The following FICD variants were observed in gnomAD, a reference collection of about 807,000 sequenced individuals.
FICD encodes the protein FIC domain protein adenylyltransferase.
Under a neutral mutation model 28.0 loss-of-function variants are expected in FICD, and 13 were observed. The ratio of observed to expected loss-of-function variants is 0.46; its 90% confidence interval spans 0.30 to 0.74. The LOEUF is 0.74. FICD is among the 30% of genes least tolerant of loss of function. FICD has a pLI of 0.07. For missense variants in FICD, 576 were observed against 624.5 expected (o/e 0.92, Z 0.83); for synonymous variants, 268 against 266.4 (o/e 1.01, Z -0.06).
At chr12:108,515,522 G>A (rs551519632) in intron 1 of FICD, among the ~76,000 whole-genome samples, 161 bp downstream of exon 1, 57 of 152,180 alleles carry the variant, frequency 3.7e-4, no homozygotes, top group African/African-American at 1.3e-3. Flanking sequence ...TCCCTTTCTA[G>A]GGAAGTGTGG....
At chr12:108,516,870 GT>G in intron 1 of FICD, 44 bp from the exon 2 acceptor site, 1 of 983,618 alleles carries the variant, frequency 1.0e-6, no homozygotes, top group Non-Finnish European at 1.5e-6. Flanking sequence ...GTCACACTAT[GT>G]CCTGAACGTG....
In FICD at chr12:108,518,146, G is replaced by A. The variant is rs1018265665; in HGVS notation, c.302-254G>A. 2.1e-5 allele frequency: 15 copies of A among 702,296 alleles called. No homozygotes were observed. Among genetic ancestry groups the A allele is most frequent in the Middle Eastern group, 4.6e-4 (2 of 4,386 alleles). The allele number at this position is 702,296 out of a possible 1,614,324, so 43.5% of individuals were successfully genotyped here. On this transcript the variant is annotated intron_variant, in intron 2 of 2. Coordinates refer to ENST00000552695, the MANE Select transcript of FICD (RefSeq NM_007076.3). This position sits in a 1 kb window ranked among gnomAD's most constrained non-coding sequence, Gnocchi z 4.4. ...AAGCAGGAGGCTAGGAAGCCAAGGAGGTGCCTCCCAGAATACAAGAGAGTG... is the reference window on the plus strand; with the variant it reads ...AAGCAGGAGGCTAGGAAGCCAAGGAAGTGCCTCCCAGAATACAAGAGAGTG...
At position 108,519,820 on chromosome 12, in the gene FICD, A is replaced by AG. The variant is rs1279975276; in HGVS notation, c.*347dup. The AG allele has an allele frequency of 5.2e-6, 1 of 192,736 alleles. No homozygotes were observed. The highest frequency in any genetic ancestry group is 2.3e-5 in the African/African-American group (1 of 42,588). The allele number at this position is 192,736 out of a possible 1,614,324, so 11.9% of individuals were successfully genotyped here. On this transcript the variant is annotated 3_prime_UTR_variant, in exon 3 of 3. Transcript: ENST00000552695. The surrounding 1 kb of genome is among the most constrained non-coding windows in gnomAD (Gnocchi z 4.5). ...GCACTAAGGTGGAGGAGCGGCCAAGAGGTGTGGGACGGGGCCCAGAGCCAC... is the reference window on the plus strand; with the variant it reads ...GCACTAAGGTGGAGGAGCGGCCAAGAGGGTGTGGGACGGGGCCCAGAGCCAC...
In FICD at chr12:108,517,015, C is replaced by A. The variant is rs200769403; in HGVS notation, c.43C>A (p.Pro15Thr). ...PMASVMAVTE[P>T]KWVSVWSRFL... ...GGCTTCAGTGATGGCGGTGACTGAACCGAAATGGGTCTCGGTCTGGAGCCG... is the reference window on the plus strand; with the variant it reads ...GGCTTCAGTGATGGCGGTGACTGAAACGAAATGGGTCTCGGTCTGGAGCCG... The change falls in exon 2 of 3, where the codon CCG (proline) becomes ACG (threonine). Residue 15 changes from proline (P) to threonine (T), a missense_variant. Transcript: ENST00000552695. 9 of 1,551,064 alleles carry A rather than the reference C, an allele frequency of 5.8e-6. No individual in the cohort carries two copies. The East Asian group carries it at 1.9e-4, about 32-fold the overall frequency.
At position 108,517,089 on chromosome 12, in the gene FICD, C is replaced by CCTG; in HGVS notation, c.125_127dup (p.Leu42dup). 6.2e-7 allele frequency: 1 copy of CCTG among 1,610,394 alleles called. No homozygotes were observed. The highest frequency in any genetic ancestry group is 8.5e-7 in the Non-Finnish European group (1 of 1,178,104). On this transcript the variant is annotated inframe_insertion, in exon 2 of 3. Transcript: ENST00000552695. ...GCATGGTGCTGGGGTCCCTGCTGGC[C>CCTG]CTGCTGCTGCCGCTGGGGGCTGTGG...
Position 108,518,526 on chromosome 12 carries a change from T to TC in FICD, c.429dup (p.Thr144HisfsTer31), listed in dbSNP as rs1871990942. On this transcript the variant is annotated frameshift_variant, in exon 3 of 3. Transcript: ENST00000552695. LOFTEE classifies it high-confidence loss of function. The surrounding 1 kb of genome is among the most constrained non-coding windows in gnomAD (Gnocchi z 4.4). ...ATGGACCCGGACTTCGTGGACGCGC[T>TC]CACCGAGTTTGGCATCTTCTCGGAA... 6.2e-7 allele frequency: 1 copy of TC among 1,613,976 alleles called. No homozygotes were observed. Among genetic ancestry groups the TC allele is most frequent in the South Asian group, 1.1e-5 (1 of 91,066 alleles).
chr12:108,519,505 C>A lies in FICD; in HGVS notation c.*30C>A. The A allele has an allele frequency of 2.1e-6, 3 of 1,414,748 alleles. No homozygotes were observed. The highest frequency in any genetic ancestry group is 2.9e-6 in the Non-Finnish European group (3 of 1,037,776). The allele number at this position is 1,414,748 out of a possible 1,614,324, so 87.6% of individuals were successfully genotyped here. ...AGAAATCCTCAGTGACAAAGGCTGT[C>A]CTGAGGTAGGAAAAAAAAAAAGAAA... On this transcript the variant is annotated 3_prime_UTR_variant, in exon 3 of 3. Coordinates refer to ENST00000552695, the MANE Select transcript of FICD (RefSeq NM_007076.3). The surrounding 1 kb of genome is among the most constrained non-coding windows in gnomAD (Gnocchi z 4.5).
Position 108,520,538 on chromosome 12 carries a change from T to G in FICD, c.*1063T>G, listed in dbSNP as rs1872079034. On this transcript the variant is annotated 3_prime_UTR_variant, in exon 3 of 3. Transcript: ENST00000552695. ...CTGCCATCTTCCACGGTCTTTGCAC[T>G]GTCCCGTGTCCCATCCCCCTGGGAG... is the stretch of plus-strand genomic sequence containing the variant. 1 of 152,262 alleles carries G rather than the reference T, an allele frequency of 6.6e-6. No homozygotes were observed. The highest frequency in any genetic ancestry group is 1.5e-5 in the Non-Finnish European group (1 of 68,050). The allele number at this position is 152,262 out of a possible 1,614,324, so 9.4% of individuals were successfully genotyped here.
rs138967251 is a variant in FICD, at chr12:108,518,940, G to A, written c.842G>A (p.Arg281His). ...MKYINTTLVS[R>H]IGSVTISDVL... ...TACATCAACACGACTCTGGTTTCGCGCATCGGCTCCGTCACCATCAGCGAC... is the reference window on the plus strand; with the variant it reads ...TACATCAACACGACTCTGGTTTCGCACATCGGCTCCGTCACCATCAGCGAC... The change falls in exon 3 of 3, where the codon CGC (arginine) becomes CAC (histidine). Residue 281 changes from arginine to histidine, a missense_variant. By Grantham distance (29) the Arg-to-His change is conservative. Coordinates refer to ENST00000552695, the MANE Select transcript of FICD (RefSeq NM_007076.3). This position sits in a 1 kb window ranked among gnomAD's most constrained non-coding sequence, Gnocchi z 4.4. The A allele has an allele frequency of 9.9e-6, 16 of 1,614,050 alleles. No individual in the cohort carries two copies. In the African/African-American group the frequency reaches 1.1e-4, roughly 11 times the overall value.
chr12:108,520,795 CTT>C lies in FICD; in HGVS notation c.*1322_*1323del, dbSNP rs1016052418. 6.6e-6 allele frequency: 1 copy of C among 152,218 alleles called. No homozygotes were observed. The highest frequency in any genetic ancestry group is 1.5e-5 in the Non-Finnish European group (1 of 68,044). The allele number at this position is 152,218 out of a possible 1,614,324, so 9.4% of individuals were successfully genotyped here. On this transcript the variant is annotated 3_prime_UTR_variant, in exon 3 of 3. Transcript: ENST00000552695. ...GCCCATGATGTCTAACACTACTGCA[CTT>C]TGTCAGTGTGTGAGTGATGGCGAAT...
rs1309150406 is a variant in FICD, at chr12:108,519,888, G to T, written c.*413G>T. On this transcript the variant is annotated 3_prime_UTR_variant, in exon 3 of 3. Coordinates refer to ENST00000552695, the MANE Select transcript of FICD (RefSeq NM_007076.3). This position sits in a 1 kb window ranked among gnomAD's most constrained non-coding sequence, Gnocchi z 4.5. ...GTGCTTCTCTGAAACAGGCTGAGAG[G>T]TTCTGTGACTGCAACTGGGAAGTCA... 6.3e-6 allele frequency: 1 copy of T among 157,956 alleles called. No individual in the cohort carries two copies. The highest frequency in any genetic ancestry group is 1.4e-5 in the Non-Finnish European group (1 of 72,240). The allele number at this position is 157,956 out of a possible 1,614,324, so 9.8% of individuals were successfully genotyped here.
Position 108,518,603 on chromosome 12 carries a change from A to G in FICD, c.505A>G (p.Ile169Val). 6.2e-7 allele frequency: 1 copy of G among 1,614,198 alleles called. No homozygotes were observed. Among genetic ancestry groups the G allele is most frequent in the Admixed American group, 1.7e-5 (1 of 60,024 alleles). The stretch of plus-strand genomic sequence containing the variant: ...CTACTTGTACACCAGAGCATTGACC[A>G]TCTCACCCTACCATGAGAAAGCACT... ...ADYLYTRALT[I>V]SPYHEKALVN... Residue 169 changes from isoleucine to valine, a missense_variant, in exon 3 of 3, where the codon ATC becomes GTC. Physicochemically the swap from Ile to Val is conservative, Grantham distance 29. Transcript: ENST00000552695. This position sits in a 1 kb window ranked among gnomAD's most constrained non-coding sequence, Gnocchi z 4.4.
At chr12:108,515,869 TGG>T (rs1411315118) in intron 1 of FICD, among the ~76,000 whole-genome samples, 1 of 152,172 alleles carries the variant, frequency 6.6e-6, no homozygotes, top group Non-Finnish European at 1.5e-5. Flanking sequence ...TCAGAGGCCC[TGG>T]GGTTTCCTTC....
Position 108,518,129 on chromosome 12 carries a change from G to A in FICD, c.302-271G>A, listed in dbSNP as rs1483623595. The A allele has an allele frequency of 2.8e-6, 2 of 702,314 alleles. No homozygotes were observed. The highest frequency in any genetic ancestry group is 3.0e-5 in the South Asian group (2 of 67,596). The allele number at this position is 702,314 out of a possible 1,614,324, so 43.5% of individuals were successfully genotyped here. On this transcript the variant is annotated intron_variant, in intron 2 of 2. Transcript: ENST00000552695. This position sits in a 1 kb window ranked among gnomAD's most constrained non-coding sequence, Gnocchi z 4.4. ...AACTTTCTATGTCCAGAAAGCAGGA[G>A]GCTAGGAAGCCAAGGAGGTGCCTCC...
In FICD at chr12:108,519,559, T is replaced by C. The variant is rs1872038385; in HGVS notation, c.*84T>C. On this transcript the variant is annotated 3_prime_UTR_variant, in exon 3 of 3. Coordinates refer to ENST00000552695, the MANE Select transcript of FICD (RefSeq NM_007076.3). The surrounding 1 kb of genome is among the most constrained non-coding windows in gnomAD (Gnocchi z 4.5). ...CATTTCTAGAAACCTAGTCACTTCC[T>C]AAAGCAAAAGGAGAAACATTCTTTA... The C allele has an allele frequency of 1.3e-6, 1 of 780,082 alleles. No homozygotes were observed. The highest frequency in any genetic ancestry group is 2.2e-5 in the South Asian group (1 of 44,720). The allele number at this position is 780,082 out of a possible 1,614,324, so 48.3% of individuals were successfully genotyped here.
In FICD at chr12:108,518,437, C is replaced by T; in HGVS notation, c.339C>T (p.Ala113=). 1 of 1,614,126 alleles carries T rather than the reference C, an allele frequency of 6.2e-7. No individual in the cohort carries two copies. Among genetic ancestry groups the T allele is most frequent in the South Asian group, 1.1e-5 (1 of 91,076 alleles). The part of the protein sequence containing the change: ...KLEARAALNQ[A]LEMKRQGKRE... ...AAGCCAGAGCTGCCCTGAACCAGGC[C>T]CTGGAGATGAAGCGCCAGGGCAAGC... The change falls in exon 3 of 3, where the codon GCC becomes GCT. Residue 113 remains alanine, a synonymous_variant. Transcript: ENST00000552695. The surrounding 1 kb of genome is among the most constrained non-coding windows in gnomAD (Gnocchi z 4.4).
rs1037795534 is a variant in FICD, at chr12:108,518,013, T to C, written c.302-387T>C. 2 of 654,040 alleles carry C rather than the reference T, an allele frequency of 3.1e-6. No individual in the cohort carries two copies. Among genetic ancestry groups the C allele is most frequent in the African/African-American group, 3.6e-5 (2 of 55,950 alleles). 40.5% of individuals were successfully genotyped at this position (654,040 alleles called of 1,614,324 possible). ...AGGAACCTGTGTCACCAGCACAAGA[T>C]GAGCTGGAGATGTAGGAGACGGCCT... On this transcript the variant is annotated intron_variant, in intron 2 of 2. Transcript: ENST00000552695. This position sits in a 1 kb window ranked among gnomAD's most constrained non-coding sequence, Gnocchi z 4.4.
intron 2 of FICD, chr12:108,517,996 G>T: frequency 3.1e-6 from 2 of 642,142 alleles, no homozygotes; most frequent in Non-Finnish European, 5.6e-6. Flanking sequence ...GCAGGAACCT[G>T]TGTCACCAGC....
rs780144146 is a variant in FICD, at chr12:108,518,521, C to T, written c.423C>T (p.Asp141=). ...HALKMDPDFV[D]ALTEFGIFSE... Reference sequence around the variant, plus strand: ...TCAAGATGGACCCGGACTTCGTGGACGCGCTCACCGAGTTTGGCATCTTCT... The same window carrying T: ...TCAAGATGGACCCGGACTTCGTGGATGCGCTCACCGAGTTTGGCATCTTCT... Residue 141 remains aspartate, a synonymous_variant, in exon 3 of 3, where the codon GAC becomes GAT. Transcript: ENST00000552695. The surrounding 1 kb of genome is among the most constrained non-coding windows in gnomAD (Gnocchi z 4.4). 62 of 1,614,038 alleles carry T rather than the reference C, an allele frequency of 3.8e-5. No individual in the cohort carries two copies. Among genetic ancestry groups the T allele is most frequent in the Non-Finnish European group, 4.5e-5 (53 of 1,180,046 alleles).
Sources: gnomAD v4.1 joint callset for allele counts (sites outside exome capture counted in the v4.1 genomes callset) on GRCh38, gnomAD v4.1.1 for gene constraint, Gnocchi (gnomAD v3.1) non-coding constraint, MANE v1.5 for transcripts, NCBI Gene and HGNC (gene_info 2026-07-23, HGNC 2026-07-21) for gene names.